LLGL2: variants seen among roughly 807,000 people sequenced by gnomAD.
LLGL2 encodes the protein LLGL scribble cell polarity complex component 2.
A neutral mutation model predicts 123.2 loss-of-function variants in LLGL2; 81 were observed. That is an observed-to-expected ratio of 0.66 (90% confidence interval 0.55 to 0.79). LLGL2 has a LOEUF of 0.79. Ranked by LOEUF, LLGL2 falls within the 30% of genes least tolerant of loss-of-function variation. LLGL2 has a pLI of 0.00. For missense variants in LLGL2, 1,273 were observed against 1,414.6 expected, an observed-to-expected ratio of 0.90 and a Z score of 1.61; for synonymous variants, 577 against 594.1, an observed-to-expected ratio of 0.97 and a Z score of 0.42.
Position 75,559,253 on chromosome 17 carries a change from G to A in LLGL2, c.373G>A (p.Ala125Thr). The A allele has an allele frequency of 1.3e-6, 2 of 1,599,708 alleles. No homozygotes were observed. Among genetic ancestry groups the A allele is most frequent in the African/African-American group, 1.3e-5 (1 of 74,524 alleles). ...ESFTLRGPPG[A>T]APSATQITVV... ...CACGGGCAGCTGTTCTTGTCACAGG[G>A]CTGCCCCCAGTGCCACACAGATCAC... is the stretch of plus-strand genomic sequence containing the variant. Residue 125 changes from alanine (A) to threonine (T), a missense_variant and splice_region_variant, in exon 6 of 26, where the codon GCT becomes ACT. Physicochemically the swap from Ala to Thr is moderately conservative, Grantham distance 58. Coordinates refer to ENST00000392550, the MANE Select transcript of LLGL2 (RefSeq NM_001031803.2). The surrounding 1 kb of genome is among the most constrained non-coding windows in gnomAD (Gnocchi z 4.6).
Position 75,559,442 on chromosome 17 carries a change from A to G in LLGL2, c.530+32A>G. On this transcript the variant is annotated intron_variant, in intron 6 of 25. Transcript: ENST00000392550. This position sits in a 1 kb window ranked among gnomAD's most constrained non-coding sequence, Gnocchi z 4.6. ...CCAGAGCCCAGCTGCTGTTAACTCC[A>G]TCCCCTCAAGTTAGGCATGGCTTCT... 1 of 1,568,838 alleles carries G rather than the reference A, an allele frequency of 6.4e-7. No individual in the cohort carries two copies. Among genetic ancestry groups the G allele is most frequent in the Non-Finnish European group, 8.6e-7 (1 of 1,158,288 alleles).
At chr17:75,543,337 C>A in intron 1 of LLGL2, 60 bp from the exon 2 acceptor site, 1 of 1,202,788 alleles carries the variant, frequency 8.3e-7, no homozygotes, top group Non-Finnish European at 1.2e-6. Context: ...CTGTTTGGGC[C>A]GGGCCTAATC....
Position 75,572,999 on chromosome 17 carries a change from A to G in LLGL2, c.2461-15A>G, listed in dbSNP as rs541455794. 3.8e-6 allele frequency: 6 copies of G among 1,589,930 alleles called. No homozygotes were observed. The African/African-American group carries it at 8.0e-5, about 21-fold the overall frequency. On this transcript the variant is annotated splice_polypyrimidine_tract_variant and intron_variant, in intron 19 of 25. Coordinates refer to ENST00000392550, the MANE Select transcript of LLGL2 (RefSeq NM_001031803.2). ...GGTTTGGCCATGGGCATGAACAACC[A>G]CCCCACGCCCCCAGGTGTTCACGCT...
intron 11 of LLGL2, 39 bp downstream of exon 11, chr17:75,568,732 A>C (rs755452752): frequency 1.7e-5 from 27 of 1,612,734 alleles, no homozygotes; most frequent in Non-Finnish European, 2.1e-5. Flanking sequence ...CCCCACCGCA[A>C]GCCAAACTCT....
intron 1 of LLGL2, among the ~76,000 whole-genome samples, chr17:75,528,186 G>A (rs898407357): frequency 2.6e-5 from 4 of 151,998 alleles, no homozygotes; most frequent in Non-Finnish European, 5.9e-5. Flanking sequence ...CGAGATCTCG[G>A]CTCACTGCAA....
In LLGL2 at chr17:75,551,603, T is replaced by G. The variant is rs561762568; in HGVS notation, c.76-4443T>G. Reference sequence around the variant, plus strand: ...TTCCTCTGAGTTAGAGGAAAGATGCTGAGCCGAACAGGAGTAGTGACTCTG... The same window carrying G: ...TTCCTCTGAGTTAGAGGAAAGATGCGGAGCCGAACAGGAGTAGTGACTCTG... On this transcript the variant is annotated intron_variant, in intron 2 of 25. Transcript: ENST00000392550. 6.6e-5 allele frequency among the ~76,000 whole-genome samples: 10 copies of G among 152,272 alleles called. No individual in the cohort carries two copies. The East Asian group carries it at 1.9e-3, about 29-fold the overall frequency.
At chr17:75,528,466 TG>T in intron 1 of LLGL2, among the ~76,000 whole-genome samples, 1 of 152,160 alleles carries the variant, frequency 6.6e-6, no homozygotes, top group East Asian at 1.9e-4. Context: ...AGGCCAGGCG[TG>T]GTGGCTTACA....
rs776196086 is a variant in LLGL2 at position 75,568,625 on chromosome 17, A to T, written c.1186A>T (p.Ile396Phe). Residue 396 changes from isoleucine to phenylalanine, a missense_variant, in exon 11 of 26, where the codon ATC becomes TTC. Transcript: ENST00000392550. ...AITCSHHVSN[I>F]PLKLWERIIA... ...CACCTGCTCTCACCACGTCTCCAAC[A>T]TCCCGCTGAAGCTGTGGGAGCGGAT... 6.2e-7 allele frequency: 1 copy of T among 1,613,900 alleles called. No homozygotes were observed. The highest frequency in any genetic ancestry group is 1.1e-5 in the South Asian group (1 of 91,078).
At chr17:75,557,764 A>G (rs1479118447) in intron 3 of LLGL2, 2 of 341,086 alleles carry the variant, frequency 5.9e-6, no homozygotes, top group Non-Finnish European at 1.2e-5. Context: ...GCCAAGACTA[A>G]TGGGCCAAGG....
At chr17:75,554,757 C>T (rs1044636473) in intron 2 of LLGL2, among the ~76,000 whole-genome samples, 11 of 147,040 alleles carry the variant, frequency 7.5e-5, no homozygotes, top group African/African-American at 2.3e-4. Context: ...GGCGTGGTGG[C>T]GGGCGCCTGT....
intron 12 of LLGL2, 53 bp from the exon 13 acceptor site, chr17:75,568,925 G>C (rs2055565814): frequency 6.3e-7 from 1 of 1,583,386 alleles, no homozygotes; most frequent in Non-Finnish European, 8.6e-7. Flanking sequence ...GCCAGCCCCT[G>C]GGCATCCCGG....
At chr17:75,531,581 G>T (rs116884397) in intron 1 of LLGL2, among the ~76,000 whole-genome samples, 1 of 152,206 alleles carries the variant, frequency 6.6e-6, no homozygotes, top group Non-Finnish European at 1.5e-5. Flanking sequence ...GGCGAGGCAC[G>T]CCAGGTCTGC....
intron 10 of LLGL2, among the ~76,000 whole-genome samples, chr17:75,567,699 T>G (rs1198803408): frequency 6.6e-6 from 1 of 151,756 alleles, no homozygotes; most frequent in Non-Finnish European, 1.5e-5. Context: ...CCCAGCATTT[T>G]GGGAGGCCAA....
At chr17:75,551,284 A>G (rs1355623310) in intron 2 of LLGL2, among the ~76,000 whole-genome samples, 1 of 152,166 alleles carries the variant, frequency 6.6e-6, no homozygotes, top group African/African-American at 2.4e-5. Context: ...GGGTGGCCTC[A>G]GATCCATCAT....
chr17:75,562,917 G>A, intron 6 of LLGL2, 99 bp from the exon 7 acceptor site: 1 of 1,421,492 alleles, frequency 7.0e-7, no homozygotes, highest in Non-Finnish European at 9.6e-7. Context: ...GGCACATGGA[G>A]CAGCCACCTC....
rs2147553746 is a variant in LLGL2 at position 75,570,989 on chromosome 17, C to T, written c.2065C>T (p.Gln689Ter). ...GSAKAERPGL[Q>*]NMELAPVQRK... is the part of the protein sequence containing the mutation. ...TGCCAAGGCTGAGCGGCCAGGCCTC[C>T]AGAACATGGAGCTGGCGCCTGTGCA... The change falls in exon 17 of 26, where the codon CAG becomes TAG. Residue 689 changes from glutamine to a stop codon, truncating the protein, a stop_gained. Coordinates refer to ENST00000392550, the MANE Select transcript of LLGL2 (RefSeq NM_001031803.2). LOFTEE classifies it high-confidence loss of function. 1 of 1,612,778 alleles carries T rather than the reference C, an allele frequency of 6.2e-7. No homozygotes were observed. The highest frequency in any genetic ancestry group is 8.5e-7 in the Non-Finnish European group (1 of 1,179,822).
At position 75,544,538 on chromosome 17, in the gene LLGL2, C is replaced by G. The variant is rs1184059063; in HGVS notation, c.75+1037C>G. 6.6e-6 allele frequency among the ~76,000 whole-genome samples: 1 copy of G among 152,230 alleles called. No individual in the cohort carries two copies. The highest frequency in any genetic ancestry group is 1.5e-5 in the Non-Finnish European group (1 of 68,048). On this transcript the variant is annotated intron_variant, in intron 2 of 25. Coordinates refer to ENST00000392550, the MANE Select transcript of LLGL2 (RefSeq NM_001031803.2). This position sits in a 1 kb window ranked among gnomAD's most constrained non-coding sequence, Gnocchi z 4.2. ...CAAACCCAACTTTGCCACATAGAAG[C>G]TGGATGGCCGTGTGCCTGTCGCCCA...
At chr17:75,563,649 C>A in intron 8 of LLGL2, 103 bp from the exon 9 acceptor site, 1 of 1,493,348 alleles carries the variant, frequency 6.7e-7, no homozygotes, top group Non-Finnish European at 9.3e-7. Context: ...AAGCACAGGT[C>A]TACCATGTGG....
rs1042136099 is a variant in LLGL2, at chr17:75,571,890, C to T, written c.2294-8C>T. The T allele has an allele frequency of 4.3e-6, 7 of 1,611,314 alleles. No individual in the cohort carries two copies. The highest frequency in any genetic ancestry group is 5.9e-6 in the Non-Finnish European group (7 of 1,179,888). On this transcript the variant is annotated splice_region_variant and splice_polypyrimidine_tract_variant and intron_variant, in intron 18 of 25. Transcript: ENST00000392550. Reference sequence around the variant, plus strand: ...TCACCAGCCCCAACACCCACCTCCTCCCCCTAGCCAAGGAGATCCAGCTGA... The same window carrying T: ...TCACCAGCCCCAACACCCACCTCCTTCCCCTAGCCAAGGAGATCCAGCTGA...
Sources: allele counts gnomAD v4.1 joint callset (sites outside exome capture counted in the v4.1 genomes callset), GRCh38; gene constraint gnomAD v4.1.1; non-coding constraint Gnocchi (gnomAD v3.1); transcripts MANE v1.5; gene names NCBI Gene and HGNC (gene_info 2026-07-23, HGNC 2026-07-21).